Variants in NIM1K observed in about 807,000 individuals in gnomAD.
NIM1K encodes the protein serine/threonine-protein kinase NIM1.
Under a neutral mutation model 37.1 loss-of-function variants are expected in NIM1K, and 35 were observed. That is an observed-to-expected ratio of 0.94 (90% CI 0.72 to 1.25). The LOEUF (loss-of-function observed/expected upper bound fraction) is 1.25, where lower values mean the gene tolerates loss of function less well. Among genes scored for constraint, NIM1K ranks in the 50% most tolerant of loss-of-function variants. The pLI, the probability that NIM1K is intolerant of heterozygous loss-of-function variation, is 0.00. For missense variants in NIM1K, 564 were observed against 548.0 expected (o/e 1.03, Z -0.29); for synonymous variants, 234 against 206.6 (o/e 1.13, Z -1.14).
chr5:43,275,526 A>G (rs1484151154), intron 2 of NIM1K, among the ~76,000 whole-genome samples: 1 of 152,264 alleles, frequency 6.6e-6, no homozygotes, highest in Non-Finnish European at 1.5e-5. Flanking sequence ...TGCTCCCGCC[A>G]GCAGCACATT....
intron 3 of NIM1K, among the ~76,000 whole-genome samples, chr5:43,278,119 C>T (rs527773112): frequency 1.3e-5 from 2 of 150,968 alleles, no homozygotes; most frequent in Non-Finnish European, 3.0e-5. Flanking sequence ...GATCTTGGCT[C>T]ACTGCAACCT....
At chr5:43,228,389 G>A (rs559775493) in intron 1 of NIM1K, among the ~76,000 whole-genome samples, 3 of 152,048 alleles carry the variant, frequency 2.0e-5, no homozygotes, top group East Asian at 3.9e-4. Flanking sequence ...CTCGTGATCC[G>A]CCCACCTCAG....
chr5:43,243,734 G>A (rs770229212), intron 1 of NIM1K, among the ~76,000 whole-genome samples: 2 of 152,200 alleles, frequency 1.3e-5, no homozygotes, highest in Non-Finnish European at 2.9e-5. Context: ...GGAGTACAGT[G>A]GCTTGATCTC....
intron 1 of NIM1K, among the ~76,000 whole-genome samples, chr5:43,222,347 T>C (rs536579271): frequency 2.0e-5 from 3 of 152,294 alleles, no homozygotes; most frequent in African/African-American, 7.2e-5. Flanking sequence ...AGAAGAAAAC[T>C]ATTAGTGATA....
intron 1 of NIM1K, among the ~76,000 whole-genome samples, chr5:43,210,264 T>C (rs1374026420): frequency 6.6e-6 from 1 of 152,182 alleles, no homozygotes; most frequent in African/African-American, 2.4e-5. Context: ...CATTAGATCG[T>C]TGTGGTAAGA....
intron 2 of NIM1K, among the ~76,000 whole-genome samples, chr5:43,263,182 ATG>A (rs1753063124): frequency 6.6e-6 from 1 of 152,188 alleles, no homozygotes; most frequent in Non-Finnish European, 1.5e-5. Flanking sequence ...TTCAGAAGGA[ATG>A]GTACCAGCTC....
chr5:43,213,165 TTTTCTTTC>T (rs70994607), intron 1 of NIM1K, among the ~76,000 whole-genome samples: 4,734 of 38,574 alleles, frequency 0.12, 124 homozygotes, highest in Non-Finnish European at 0.15. Context: ...TTCTTTCTTT[TTTTCTTTC>T]TTTCTTTCTT....
chr5:43,268,044 G>C (rs1377392402), intron 2 of NIM1K, among the ~76,000 whole-genome samples: 3 of 151,998 alleles, frequency 2.0e-5, no homozygotes, highest in Non-Finnish European at 4.4e-5. Flanking sequence ...CTGTCAGTGG[G>C]GTGTTGAAGT....
intron 1 of NIM1K, among the ~76,000 whole-genome samples, chr5:43,238,732 T>G (rs982804621): frequency 6.6e-6 from 1 of 151,868 alleles, no homozygotes; most frequent in Non-Finnish European, 1.5e-5. Flanking sequence ...AACGTAGGTT[T>G]CAGAAAGTCT....
intron 2 of NIM1K, among the ~76,000 whole-genome samples, chr5:43,257,174 G>C (rs184083991): frequency 2.6e-5 from 4 of 152,044 alleles, no homozygotes; most frequent in Non-Finnish European, 4.4e-5. Flanking sequence ...GGAAAGCCAG[G>C]AGTGTGGGTT....
At chr5:43,267,147 G>T (rs1365639299) in intron 2 of NIM1K, among the ~76,000 whole-genome samples, 1 of 152,066 alleles carries the variant, frequency 6.6e-6, no homozygotes, top group East Asian at 1.9e-4. Context: ...CTTGTTATCT[G>T]GTCTGCTCAG....
intron 2 of NIM1K, among the ~76,000 whole-genome samples, chr5:43,248,528 G>A (rs1420883487): frequency 3.3e-5 from 5 of 152,156 alleles, no homozygotes; most frequent in African/African-American, 9.7e-5. Flanking sequence ...AAATAGAAAA[G>A]AGGAGGGAGC....
At chr5:43,266,977 G>C (rs920605690) in intron 2 of NIM1K, among the ~76,000 whole-genome samples, 1 of 152,136 alleles carries the variant, frequency 6.6e-6, no homozygotes, top group Non-Finnish European at 1.5e-5. Context: ...ATGAGTTTGG[G>C]AGGATTTTCT....
intron 2 of NIM1K, among the ~76,000 whole-genome samples, chr5:43,268,658 A>T (rs1753206512): frequency 6.6e-6 from 1 of 152,354 alleles, no homozygotes; most frequent in Admixed American, 6.5e-5. Context: ...TGACCTCTGG[A>T]ATAATGGCTG....
intron 1 of NIM1K, among the ~76,000 whole-genome samples, chr5:43,223,744 C>A (rs965931757): frequency 1.6e-4 from 24 of 152,152 alleles, no homozygotes; most frequent in Admixed American, 1.0e-3. Context: ...AACCTTTGAG[C>A]CCCTAGATGG....
intron 2 of NIM1K, among the ~76,000 whole-genome samples, chr5:43,254,981 A>G (rs1752918983): frequency 6.6e-6 from 1 of 152,196 alleles, no homozygotes; most frequent in African/African-American, 2.4e-5. Flanking sequence ...TAGGGAATTC[A>G]CCCTAAAAAT....
At chr5:43,244,744 A>G (rs10941613) in intron 1 of NIM1K, among the ~76,000 whole-genome samples, 67,326 of 152,100 alleles carry the variant, frequency 0.44, 15,982 homozygotes, top group Non-Finnish European at 0.53. Context: ...TTAGTAATCC[A>G]GAATCTTTCA....
At chr5:43,252,140 A>G (rs1752875253) in intron 2 of NIM1K, among the ~76,000 whole-genome samples, 1 of 152,184 alleles carries the variant, frequency 6.6e-6, no homozygotes, top group Admixed American at 6.5e-5. Context: ...AAGGTGGAAT[A>G]ATAATTAGTG....
chr5:43,270,034 A>G (rs1753231945), intron 2 of NIM1K, among the ~76,000 whole-genome samples: 2 of 152,200 alleles, frequency 1.3e-5, no homozygotes, highest in Non-Finnish European at 2.9e-5. Flanking sequence ...AATTTTGTGT[A>G]TGGCTGGTCT....
Sources: gnomAD v4.1 joint callset for allele counts (sites outside exome capture counted in the v4.1 genomes callset) on GRCh38, gnomAD v4.1.1 for gene constraint, MANE v1.5 for transcripts, NCBI Gene and HGNC (gene_info 2026-07-23, HGNC 2026-07-21) for gene names.